Variants in ACSM2B observed in about 807,000 individuals in gnomAD.
The protein encoded by ACSM2B is acyl-CoA synthetase medium chain family member 2B.
ACSM2B carries 58 observed loss-of-function variants against 78.6 expected under a neutral mutation model. That is an observed-to-expected ratio of 0.74 (90% confidence interval 0.60 to 0.92). The LOEUF (loss-of-function observed/expected upper bound fraction) is 0.92. Among genes scored for constraint, ACSM2B ranks in the 40% least tolerant of loss-of-function variants. The pLI, the probability that ACSM2B is intolerant of heterozygous loss-of-function variation, is 0.00. For synonymous variants in ACSM2B, 257 were observed against 256.8 expected, an observed-to-expected ratio of 1.00 and a Z score of -0.01; for missense variants, 688 against 711.2, an observed-to-expected ratio of 0.97 and a Z score of 0.37.
intron 2 of ACSM2B, 23 bp downstream of exon 2, chr16:20,564,646 G>C: frequency 6.2e-7 from 1 of 1,613,236 alleles, no homozygotes; most frequent in Non-Finnish European, 8.5e-7. Context: ...GTCTCACTCT[G>C]TGCCTCTTTT....
chr16:20,548,304 C>T (rs1445355816), intron 7 of ACSM2B, 90 bp downstream of exon 7: 97 of 1,604,182 alleles, frequency 6.0e-5, no homozygotes, highest in South Asian at 1.6e-4. Context: ...TCTCTGTGTG[C>T]GAGAGATTCA....
At chr16:20,563,922 A>T (rs2015741276) in intron 2 of ACSM2B, among the ~76,000 whole-genome samples, 1 of 151,742 alleles carries the variant, frequency 6.6e-6, no homozygotes, top group Non-Finnish European at 1.5e-5. Flanking sequence ...ATGGATTAAA[A>T]TTCTAGACGC....
intron 2 of ACSM2B, among the ~76,000 whole-genome samples, chr16:20,564,352 G>A (rs1325568455): frequency 2.0e-5 from 3 of 151,862 alleles, no homozygotes; most frequent in African/African-American, 4.8e-5. Flanking sequence ...CCTCTTCTAC[G>A]ACCCCAGACC....
At chr16:20,548,275 G>A in intron 7 of ACSM2B, 90 bp from the exon 8 acceptor site, 1 of 1,608,730 alleles carries the variant, frequency 6.2e-7, no homozygotes, top group Non-Finnish European at 8.5e-7. Context: ...CTTTGATGAT[G>A]CAAATGGCTT....
rs1205554216 is a variant in ACSM2B, at chr16:20,537,366, T to C, written c.1630-4A>G. 6.8e-6 allele frequency: 11 copies of C among 1,613,690 alleles called. No individual in the cohort carries two copies. The highest frequency in any genetic ancestry group is 2.7e-5 in the African/African-American group (2 of 74,904). On this transcript the variant is annotated splice_region_variant and splice_polypyrimidine_tract_variant and intron_variant, in intron 13 of 13. Coordinates refer to ENST00000329697, the MANE Select transcript of ACSM2B (RefSeq NM_001105069.2). The stretch of plus-strand genomic sequence containing the variant: ...GCAGGTTCAAGACAAACTCTATCTG[T>C]TGAAAAACAAATCAGTCCAGGGTGG...
At chr16:20,554,122 T>G in intron 4 of ACSM2B, 1 of 789,486 alleles carries the variant, frequency 1.3e-6, no homozygotes, top group Non-Finnish European at 2.1e-6. Flanking sequence ...TTTGGCACTT[T>G]GTTATCAATG....
chr16:20,563,727 G>A (rs1290386396), intron 2 of ACSM2B, among the ~76,000 whole-genome samples: 4 of 151,328 alleles, frequency 2.6e-5, no homozygotes, highest in African/African-American at 2.4e-5. Flanking sequence ...TCCACACTAA[G>A]ACTGTTTCAT....
rs550797169 is a variant in ACSM2B at position 20,536,304 on chromosome 16, A to C, written c.*954T>G. On this transcript the variant is annotated 3_prime_UTR_variant, in exon 14 of 14. Coordinates refer to ENST00000329697, the MANE Select transcript of ACSM2B (RefSeq NM_001105069.2). ...TAATATTTGATTCTAGGAAGAGTAG[A>C]TAACACCAAAAACATGAGGTATGGG... is the stretch of plus-strand genomic sequence containing the variant. The C allele has an allele frequency of 3.9e-5, 6 of 152,302 alleles. No homozygotes were observed. Among genetic ancestry groups the C allele is most frequent in the Admixed American group, 2.6e-4 (4 of 15,306 alleles). 9.4% of individuals were successfully genotyped at this position (152,302 alleles called of 1,614,324 possible). A position where few individuals can be genotyped will look rare whatever the true frequency, so the allele number is the denominator to read the frequency against.
intron 6 of ACSM2B, 86 bp downstream of exon 6, chr16:20,552,058 A>T (rs2015326177): frequency 1.3e-6 from 2 of 1,522,154 alleles, no homozygotes; most frequent in African/African-American, 1.4e-5. Flanking sequence ...CAAAAATTAG[A>T]TGAATTGAAA....
In ACSM2B at chr16:20,560,618, A is replaced by G. The variant is rs1284410191; in HGVS notation, c.178-1171T>C. 2.6e-5 allele frequency among the ~76,000 whole-genome samples: 4 copies of G among 152,214 alleles called. No individual in the cohort carries two copies. The East Asian group carries it at 7.7e-4, about 29-fold the overall frequency. On this transcript the variant is annotated intron_variant, in intron 2 of 13. Transcript: ENST00000329697. ...GTTACCTAATCTCAGGTATTCCTTT[A>G]CAGCAACACAAGAACAGTCCGATAC...
intron 6 of ACSM2B, among the ~76,000 whole-genome samples, chr16:20,551,717 A>G (rs146826479): frequency 1.3e-5 from 2 of 152,292 alleles, no homozygotes; most frequent in Non-Finnish European, 2.9e-5. Flanking sequence ...CTTTACCTTC[A>G]GTTTGTGTGT....
intron 1 of ACSM2B, among the ~76,000 whole-genome samples, chr16:20,570,206 T>A (rs1465749585): frequency 6.6e-6 from 1 of 151,988 alleles, no homozygotes; most frequent in South Asian, 2.1e-4. Flanking sequence ...TTGTCATAGA[T>A]GGCTTTTATT....
rs368140925 is a variant in ACSM2B at position 20,545,274 on chromosome 16, T to G, written c.1180-16A>C. 3.4e-5 allele frequency: 55 copies of G among 1,610,572 alleles called. No individual in the cohort carries two copies. The highest frequency in any genetic ancestry group is 1.7e-4 in the African/African-American group (13 of 74,828). ...CATCTATAACCTGGAGAAAGAAGCA[T>G]ATTGGAAGAATGACGCACACAGCAG... On this transcript the variant is annotated splice_polypyrimidine_tract_variant and intron_variant, in intron 9 of 13. Transcript: ENST00000329697.
intron 3 of ACSM2B, among the ~76,000 whole-genome samples, chr16:20,558,230 C>T (rs2015536647): frequency 6.6e-6 from 1 of 151,960 alleles, no homozygotes; most frequent in African/African-American, 2.4e-5. Context: ...GTAACTGATA[C>T]CAAGAAACTA....
At chr16:20,558,580 C>A (rs1045364071) in intron 3 of ACSM2B, among the ~76,000 whole-genome samples, 37 of 152,204 alleles carry the variant, frequency 2.4e-4, no homozygotes, top group African/African-American at 7.5e-4. Flanking sequence ...ACAAGCCTCT[C>A]TATCTCTTGG....
intron 1 of ACSM2B, among the ~76,000 whole-genome samples, chr16:20,566,742 TATATATACTATATATAGTATATATAG>T (rs2015896288): frequency 1.5e-5 from 1 of 67,510 alleles, no homozygotes. Context: ...TAGTATATAC[TATATATACTATATATAGTATATATAG>T]ATATATAGAT....
At chr16:20,574,202 TCTG>T (rs2016180901) in intron 1 of ACSM2B, 1 of 152,004 alleles carries the variant, frequency 6.6e-6, no homozygotes, top group Non-Finnish European at 1.5e-5. Flanking sequence ...CTATAGGCTT[TCTG>T]CAAGAAGAAA....
chr16:20,547,474 A>T (rs993729617), intron 8 of ACSM2B: 33 of 975,204 alleles, frequency 3.4e-5, no homozygotes, highest in Non-Finnish European at 3.9e-5. Flanking sequence ...GAGGCACTGG[A>T]AAAAGGAGAA....
chr16:20,558,772 C>G (rs981180424), intron 3 of ACSM2B, among the ~76,000 whole-genome samples: 36 of 152,214 alleles, frequency 2.4e-4, no homozygotes, highest in African/African-American at 8.2e-4. Flanking sequence ...TCCAACTACT[C>G]AAGTTGCCAC....
Sources: allele counts gnomAD v4.1 joint callset (sites outside exome capture counted in the v4.1 genomes callset), GRCh38; gene constraint gnomAD v4.1.1; transcripts MANE v1.5; gene names NCBI Gene and HGNC (gene_info 2026-07-23, HGNC 2026-07-21).